The following WWOX variants were observed in gnomAD, a reference collection of about 807,000 sequenced individuals.
WWOX encodes the protein WW domain-containing oxidoreductase.
A neutral mutation model predicts 46.2 loss-of-function variants in WWOX; 69 were observed. That is an observed-to-expected ratio of 1.49 (90% CI 1.23 to 1.82). The LOEUF is 1.82. WWOX is among the 40% of genes most tolerant of loss of function. The pLI is 0.00. For synonymous variants in WWOX, 359 were observed against 202.6 expected (o/e 1.77, Z -6.56); for missense variants, 919 against 542.6 (o/e 1.69, Z -6.89).
chr16:78,889,824 T>G (rs1458035094), intron 8 of WWOX, among the ~76,000 whole-genome samples: 1 of 152,214 alleles, frequency 6.6e-6, no homozygotes, highest in African/African-American at 2.4e-5. Context: ...TGTCCTCATC[T>G]TCAGAACAAG....
At chr16:78,695,515 C>G (rs1167879557) in intron 8 of WWOX, among the ~76,000 whole-genome samples, 5 of 152,274 alleles carry the variant, frequency 3.3e-5, no homozygotes, top group Admixed American at 2.0e-4. Flanking sequence ...CTGACTTCAT[C>G]AGAGAGTAGC....
rs888797143 is a variant in WWOX at position 79,013,968 on chromosome 16, C to A, written c.1057-197640C>A. Among the ~76,000 whole-genome samples, 9 of 152,178 alleles carry A rather than the reference C, an allele frequency of 5.9e-5. No individual in the cohort carries two copies. In the South Asian group the frequency reaches 6.2e-4, roughly 10 times the overall value. ...AGAGGAAGAGAGGATGCTCCGCCGC[C>A]TGTAAGGATTTTTTGCTCTCCTCCT... is the stretch of plus-strand genomic sequence containing the variant. On this transcript the variant is annotated intron_variant, in intron 8 of 8. Transcript: ENST00000566780.
At chr16:79,143,560 A>T (rs1046828508) in intron 8 of WWOX, among the ~76,000 whole-genome samples, 39 of 152,174 alleles carry the variant, frequency 2.6e-4, no homozygotes, top group African/African-American at 8.9e-4. Context: ...CCAATGATTT[A>T]CTCAGATCCG....
intron 8 of WWOX, among the ~76,000 whole-genome samples, chr16:79,129,969 C>T (rs574826610): frequency 1.3e-5 from 2 of 152,318 alleles, no homozygotes; most frequent in African/African-American, 4.8e-5. Context: ...TCTCCGTTTC[C>T]TCATCTGTAA....
At chr16:78,375,011 T>C (rs897656283) in intron 5 of WWOX, among the ~76,000 whole-genome samples, 23 of 152,190 alleles carry the variant, frequency 1.5e-4, no homozygotes, top group Non-Finnish European at 3.4e-4. Context: ...ACTGGTATTA[T>C]GGTGGGAACC....
chr16:78,391,842 T>C (rs529943096), intron 6 of WWOX, among the ~76,000 whole-genome samples: 5 of 152,152 alleles, frequency 3.3e-5, no homozygotes, highest in Non-Finnish European at 7.4e-5. Context: ...CTCAAACAAA[T>C]TACTCCAAAA....
intron 4 of WWOX, among the ~76,000 whole-genome samples, chr16:78,160,951 G>T (rs1446119317): frequency 6.6e-6 from 1 of 151,420 alleles, no homozygotes; most frequent in Non-Finnish European, 1.5e-5. Context: ...TATATGAGAG[G>T]CTCTATTATT....
At chr16:78,721,814 C>T (rs538356213) in intron 8 of WWOX, among the ~76,000 whole-genome samples, 17 of 152,284 alleles carry the variant, frequency 1.1e-4, no homozygotes, top group African/African-American at 2.2e-4. Flanking sequence ...TCCTTTCCTA[C>T]GAATAAAGAG....
Position 78,862,384 on chromosome 16 carries a change from A to G in WWOX, c.1057-349224A>G, listed in dbSNP as rs576544888. 8.6e-5 allele frequency among the ~76,000 whole-genome samples: 13 copies of G among 151,562 alleles called. No homozygotes were observed. In the South Asian group the frequency reaches 1.5e-3, roughly 17 times the overall value. ...AAACACTATAGTATATAGAGTATAC[A>G]TATACACACTATAGTGTATGTACTA... On this transcript the variant is annotated intron_variant, in intron 8 of 8. Coordinates refer to ENST00000566780, the MANE Select transcript of WWOX (RefSeq NM_016373.4).
At chr16:78,424,345 C>T (rs370351171) in intron 6 of WWOX, among the ~76,000 whole-genome samples, 3 of 152,080 alleles carry the variant, frequency 2.0e-5, no homozygotes, top group East Asian at 1.9e-4. Context: ...GTCTCAAACT[C>T]CTGACCTAAA....
rs1229303706 is a variant in WWOX, at chr16:78,630,620, C to G, written c.1056+197868C>G. Among the ~76,000 whole-genome samples the G allele has an allele frequency of 2.6e-5, 4 of 152,156 alleles. No individual in the cohort carries two copies. In the South Asian group the frequency reaches 8.3e-4, roughly 32 times the overall value. On this transcript the variant is annotated intron_variant, in intron 8 of 8. Coordinates refer to ENST00000566780, the MANE Select transcript of WWOX (RefSeq NM_016373.4). ...GGAAGAGGACATTTGGAATCTTGTACCTGGTTTTCTCCAGACTTCGCCTCA... is the reference window on the plus strand; with the variant it reads ...GGAAGAGGACATTTGGAATCTTGTAGCTGGTTTTCTCCAGACTTCGCCTCA...
At chr16:78,182,265 G>A (rs560683508) in intron 5 of WWOX, among the ~76,000 whole-genome samples, 2 of 152,102 alleles carry the variant, frequency 1.3e-5, no homozygotes, top group Non-Finnish European at 1.5e-5. Flanking sequence ...GAGTACTTGC[G>A]GTGGTACCTA....
At chr16:78,277,384 A>G (rs1427016281) in intron 5 of WWOX, among the ~76,000 whole-genome samples, 1 of 152,134 alleles carries the variant, frequency 6.6e-6, no homozygotes, top group Non-Finnish European at 1.5e-5. Flanking sequence ...TCTCTCCTTG[A>G]GGGAAGTTGC....
chr16:78,295,794 T>G (rs527482508), intron 5 of WWOX, among the ~76,000 whole-genome samples: 7 of 152,366 alleles, frequency 4.6e-5, no homozygotes, highest in African/African-American at 1.7e-4. Flanking sequence ...TGGAGGGATT[T>G]TTCGAACACG....
chr16:78,531,558 A>G (rs1335772096), intron 8 of WWOX, among the ~76,000 whole-genome samples: 1 of 152,190 alleles, frequency 6.6e-6, no homozygotes, highest in Non-Finnish European at 1.5e-5. Flanking sequence ...ATGAAAATAA[A>G]TGGGCTGGGC....
At position 78,350,058 on chromosome 16, in the gene WWOX, A is replaced by G. The variant is rs2081158726; in HGVS notation, c.517-36802A>G. 1.7e-5 allele frequency among the ~76,000 whole-genome samples: 2 copies of G among 121,102 alleles called. 1 individual carries two copies. Among genetic ancestry groups the G allele is most frequent in the African/African-American group, 5.6e-5 (2 of 35,734 alleles). 79.4% of individuals were successfully genotyped at this position (121,102 alleles called of 152,430 possible). A position where few individuals can be genotyped will look rare whatever the true frequency, so the allele number is the denominator to read the frequency against. ...AGCCTGCTTTTTATTGAACTTAATG[A>G]TAAATGGCAAACATTTGACCATGTC... On this transcript the variant is annotated intron_variant, in intron 5 of 8. Coordinates refer to ENST00000566780, the MANE Select transcript of WWOX (RefSeq NM_016373.4).
chr16:78,517,583 C>T (rs1016249141), intron 8 of WWOX, among the ~76,000 whole-genome samples: 19 of 152,002 alleles, frequency 1.2e-4, no homozygotes, highest in African/African-American at 3.1e-4. Flanking sequence ...TATTGTGGTC[C>T]GGAGAGGGTG....
intron 5 of WWOX, among the ~76,000 whole-genome samples, chr16:78,272,402 A>G (rs1162576292): frequency 6.6e-6 from 1 of 152,222 alleles, no homozygotes; most frequent in East Asian, 1.9e-4. Context: ...CAGGGCTCCC[A>G]GAGGATTCCA....
intron 8 of WWOX, among the ~76,000 whole-genome samples, chr16:78,847,956 C>G (rs924000035): frequency 6.6e-6 from 1 of 152,096 alleles, no homozygotes; most frequent in Non-Finnish European, 1.5e-5. Context: ...CCTGAGCTGA[C>G]CTGCTGGAGC....
Sources: allele counts gnomAD v4.1 joint callset (sites outside exome capture counted in the v4.1 genomes callset), GRCh38; gene constraint gnomAD v4.1.1; transcripts MANE v1.5; gene names NCBI Gene and HGNC (gene_info 2026-07-23, HGNC 2026-07-21).